Variants in GNAQ observed in about 807,000 individuals in gnomAD.
GNAQ encodes the protein G protein subunit alpha q, also known as guanine nucleotide-binding protein G(q) subunit alpha.
GNAQ carries 8 observed loss-of-function variants against 43.9 expected under a neutral mutation model. The observed-to-expected ratio is 0.18, with a 90% CI of 0.11 to 0.33. The LOEUF (loss-of-function observed/expected upper bound fraction) is 0.33, where lower values mean the gene tolerates loss of function less well. GNAQ is among the 10% of genes least tolerant of loss of function. The probability of loss-of-function intolerance (pLI) is 1.00; values close to 1 mark genes in which losing one functional copy is unlikely to be tolerated. For missense variants in GNAQ, 158 were observed against 450.8 expected, an observed-to-expected ratio of 0.35 and a Z score of 5.88; for synonymous variants, 155 against 170.7, an observed-to-expected ratio of 0.91 and a Z score of 0.71.
intron 1 of GNAQ, among the ~76,000 whole-genome samples, chr9:78,013,613 T>C (rs1823801819): frequency 6.6e-6 from 1 of 152,150 alleles, no homozygotes; most frequent in South Asian, 2.1e-4. Flanking sequence ...ATAAAATGTG[T>C]TGATGTTATT....
chr9:77,812,910 AT>A (rs1182418989), intron 3 of GNAQ, among the ~76,000 whole-genome samples: 8 of 150,082 alleles, frequency 5.3e-5, no homozygotes, highest in East Asian at 3.9e-4. Flanking sequence ...TTTATTTTTT[AT>A]TTTTTTTTGG....
intron 2 of GNAQ, among the ~76,000 whole-genome samples, chr9:77,828,126 G>A (rs1388741164): frequency 1.4e-5 from 2 of 144,652 alleles, no homozygotes; most frequent in African/African-American, 2.6e-5. Flanking sequence ...TGGTATGGTG[G>A]TATGAGGTGA....
At chr9:77,864,334 T>G (rs573086173) in intron 2 of GNAQ, among the ~76,000 whole-genome samples, 6 of 152,088 alleles carry the variant, frequency 3.9e-5, no homozygotes, top group Non-Finnish European at 7.4e-5. Flanking sequence ...AATTTCAACA[T>G]GAGACTTGGC....
chr9:77,935,314 T>C (rs140244479), intron 1 of GNAQ, among the ~76,000 whole-genome samples: 1 of 152,128 alleles, frequency 6.6e-6, no homozygotes, highest in African/African-American at 2.4e-5. Flanking sequence ...GGGGGTCTCA[T>C]TATTGGCATT....
intron 5 of GNAQ, among the ~76,000 whole-genome samples, chr9:77,767,038 C>T (rs769826397): frequency 6.6e-6 from 1 of 152,084 alleles, no homozygotes; most frequent in Non-Finnish European, 1.5e-5. Flanking sequence ...ATTACCCTAA[C>T]ACATAAATGT....
At chr9:77,893,126 A>G (rs1312254673) in intron 2 of GNAQ, among the ~76,000 whole-genome samples, 2 of 152,172 alleles carry the variant, frequency 1.3e-5, no homozygotes, top group Non-Finnish European at 2.9e-5. Flanking sequence ...CACTGGGTAA[A>G]ATGAGGCTGA....
At chr9:77,732,137 C>T (rs1298391874) in intron 5 of GNAQ, among the ~76,000 whole-genome samples, 5 of 152,122 alleles carry the variant, frequency 3.3e-5, no homozygotes, top group South Asian at 2.1e-4. Flanking sequence ...GGGAACAGCA[C>T]GTCCCAGGAG....
At chr9:77,962,397 A>C (rs1823116772) in intron 1 of GNAQ, among the ~76,000 whole-genome samples, 1 of 152,204 alleles carries the variant, frequency 6.6e-6, no homozygotes, top group Non-Finnish European at 1.5e-5. Context: ...GCTGAAAACC[A>C]GTAACAGAGA....
chr9:77,867,130 T>C (rs1247270543), intron 2 of GNAQ, among the ~76,000 whole-genome samples: 1 of 152,140 alleles, frequency 6.6e-6, no homozygotes, highest in East Asian at 1.9e-4. Flanking sequence ...TCAAACTCCA[T>C]CTCTTTGCCT....
chr9:77,974,288 T>C (rs1823272969), intron 1 of GNAQ, among the ~76,000 whole-genome samples: 1 of 152,150 alleles, frequency 6.6e-6, no homozygotes, highest in African/African-American at 2.4e-5. Context: ...TCCACAGCCA[T>C]GAGCTAATGA....
chr9:77,916,596 G>T (rs1275032542), intron 2 of GNAQ, among the ~76,000 whole-genome samples: 1 of 152,134 alleles, frequency 6.6e-6, no homozygotes, highest in Non-Finnish European at 1.5e-5. Context: ...AGGACAAAAG[G>T]CACTGTAGCA....
intron 5 of GNAQ, among the ~76,000 whole-genome samples, chr9:77,778,163 T>C (rs567843307): frequency 1.3e-5 from 2 of 151,876 alleles, no homozygotes; most frequent in South Asian, 2.1e-4. Flanking sequence ...ACAGCTCTAA[T>C]AGCAAGTGTT....
intron 2 of GNAQ, among the ~76,000 whole-genome samples, chr9:77,895,118 A>G (rs1828477973): frequency 6.6e-6 from 1 of 151,344 alleles, no homozygotes; most frequent in Non-Finnish European, 1.5e-5. Context: ...GAATGGCATG[A>G]ACCCGGGAGG....
At chr9:77,895,533 T>C (rs2118129201) in intron 2 of GNAQ, among the ~76,000 whole-genome samples, 1 of 152,278 alleles carries the variant, frequency 6.6e-6, no homozygotes, top group African/African-American at 2.4e-5. Flanking sequence ...GAGAACCTTC[T>C]CTTGGTCTGC....
chr9:78,030,699 G>A (rs1357435548), intron 1 of GNAQ: 13 of 381,750 alleles, frequency 3.4e-5, no homozygotes, highest in Middle Eastern at 4.5e-4. Flanking sequence ...CACCCCATGG[G>A]GTGCCGCGGC....
At chr9:77,768,750 G>A (rs921084594) in intron 5 of GNAQ, among the ~76,000 whole-genome samples, 2 of 152,144 alleles carry the variant, frequency 1.3e-5, no homozygotes, top group Non-Finnish European at 2.9e-5. Flanking sequence ...CAACCTGGTG[G>A]ATTTTGAAGC....
At chr9:77,944,955 C>T (rs1822867008) in intron 1 of GNAQ, among the ~76,000 whole-genome samples, 3 of 152,130 alleles carry the variant, frequency 2.0e-5, no homozygotes, top group Admixed American at 2.0e-4. Flanking sequence ...TCCAAGAACA[C>T]CAGGGGTCTC....
chr9:77,928,577 A>T (rs1426382972), intron 1 of GNAQ, among the ~76,000 whole-genome samples: 1 of 152,240 alleles, frequency 6.6e-6, no homozygotes, highest in Non-Finnish European at 1.5e-5. Flanking sequence ...TCCTCCCAGA[A>T]GAGTCACTTG....
chr9:77,811,523 G>C (rs1316377867), intron 3 of GNAQ, among the ~76,000 whole-genome samples: 2 of 152,106 alleles, frequency 1.3e-5, no homozygotes, highest in African/African-American at 4.8e-5. Flanking sequence ...GGAAATCAGC[G>C]ATGTTTAACA....
Sources: gnomAD v4.1 joint callset for allele counts (sites outside exome capture counted in the v4.1 genomes callset) on GRCh38, gnomAD v4.1.1 for gene constraint, MANE v1.5 for transcripts, NCBI Gene and HGNC (gene_info 2026-07-23, HGNC 2026-07-21) for gene names.